The following CSNK1G1 variants were observed in gnomAD, a reference collection of about 807,000 sequenced individuals.
The protein encoded by CSNK1G1 is casein kinase I isoform gamma-1.
CSNK1G1 carries 22 observed loss-of-function variants against 59.6 expected under a neutral mutation model. The ratio of observed to expected loss-of-function variants is 0.37; its 90% CI spans 0.26 to 0.53. The LOEUF (loss-of-function observed/expected upper bound fraction) is 0.53, where lower values mean the gene tolerates loss of function less well. Among genes scored for constraint, CSNK1G1 ranks in the 20% least tolerant of loss-of-function variants. The probability of loss-of-function intolerance (pLI) is 0.89; values close to 1 mark genes in which losing one functional copy is unlikely to be tolerated. For missense variants in CSNK1G1, 384 were observed against 519.5 expected, an observed-to-expected ratio of 0.74 and a Z score of 2.54; for synonymous variants, 179 against 177.1, an observed-to-expected ratio of 1.01 and a Z score of -0.08.
chr15:64,202,998 A>G, intron 10 of CSNK1G1, 84 bp downstream of exon 10: 1 of 972,772 alleles, frequency 1.0e-6, no homozygotes, highest in South Asian at 1.3e-5. Flanking sequence ...TACATACACT[A>G]AAGCGGAGAA....
intron 4 of CSNK1G1, among the ~76,000 whole-genome samples, chr15:64,236,142 C>CA (rs532663571): frequency 0.093 from 6,234 of 67,194 alleles, 260 homozygotes; most frequent in South Asian, 0.18. Flanking sequence ...GACTCCATCT[C>CA]AAAAAAAAAA....
chr15:64,202,963 G>A, intron 10 of CSNK1G1, 119 bp downstream of exon 10: 2 of 762,700 alleles, frequency 2.6e-6, no homozygotes, highest in Non-Finnish European at 2.3e-6. Context: ...GTAAGAAATG[G>A]CAAGCATTTG....
intron 1 of CSNK1G1, among the ~76,000 whole-genome samples, chr15:64,314,054 A>G (rs1896139644): frequency 1.3e-5 from 2 of 152,302 alleles, no homozygotes; most frequent in East Asian, 1.9e-4. Context: ...ACGATGCTAC[A>G]TATCAAAGAT....
intron 1 of CSNK1G1, among the ~76,000 whole-genome samples, chr15:64,327,092 G>C (rs1566949108): frequency 6.6e-6 from 1 of 151,918 alleles, no homozygotes; most frequent in Non-Finnish European, 1.5e-5. Context: ...CAGCGAGGCT[G>C]GGGGAGGGGC....
chr15:64,248,974 C>A (rs1302612231), intron 4 of CSNK1G1, among the ~76,000 whole-genome samples: 7 of 152,096 alleles, frequency 4.6e-5, no homozygotes, highest in African/African-American at 1.7e-4. Context: ...CAAAAAAAAA[C>A]TAGCTGGGCA....
intron 1 of CSNK1G1, among the ~76,000 whole-genome samples, chr15:64,323,924 C>T (rs1394815296): frequency 6.6e-6 from 1 of 152,142 alleles, no homozygotes; most frequent in Non-Finnish European, 1.5e-5. Context: ...ACCATCTAAA[C>T]CTTATTGGGC....
intron 6 of CSNK1G1, among the ~76,000 whole-genome samples, chr15:64,208,512 T>C (rs1449006655): frequency 6.6e-6 from 1 of 152,208 alleles, no homozygotes; most frequent in Non-Finnish European, 1.5e-5. Context: ...ATTGTTAGAA[T>C]CTAAGTAGTA....
Position 64,171,535 on chromosome 15 carries a change from A to AG in CSNK1G1, c.*395dup, listed in dbSNP as rs1186661294. ...ATCTCCTTCTGCAGACAAAGCCTTT[A>AG]GCTCACTAGGTTTTATGCTGGAGAG... On this transcript the variant is annotated 3_prime_UTR_variant, in exon 12 of 12. Coordinates refer to ENST00000303052, the MANE Select transcript of CSNK1G1 (RefSeq NM_022048.5). The surrounding 1 kb of genome is among the most constrained non-coding windows in gnomAD (Gnocchi z 4.8). The AG allele has an allele frequency of 5.3e-6, 1 of 189,642 alleles. No individual in the cohort carries two copies. The highest frequency in any genetic ancestry group is 2.4e-5 in the African/African-American group (1 of 42,494). The allele number at this position is 189,642 out of a possible 1,614,324, so 11.7% of individuals were successfully genotyped here. A position where few individuals can be genotyped will look rare whatever the true frequency, so the allele number is the denominator to read the frequency against.
chr15:64,273,472 G>A (rs1366568943), intron 2 of CSNK1G1, among the ~76,000 whole-genome samples: 1 of 152,122 alleles, frequency 6.6e-6, no homozygotes, highest in African/African-American at 2.4e-5. Flanking sequence ...CAAGGTGCTA[G>A]ATAAGTCTAA....
intron 10 of CSNK1G1, among the ~76,000 whole-genome samples, chr15:64,187,966 G>A (rs1180261567): frequency 6.6e-6 from 1 of 152,158 alleles, no homozygotes; most frequent in Non-Finnish European, 1.5e-5. Context: ...CTCAGCTTAT[G>A]CGTTAAGGCA....
intron 1 of CSNK1G1, among the ~76,000 whole-genome samples, chr15:64,354,949 A>T (rs1898559776): frequency 6.6e-6 from 1 of 152,220 alleles, no homozygotes; most frequent in Non-Finnish European, 1.5e-5. Context: ...ACAGCAGAAC[A>T]TTCATTCTCT....
At position 64,176,207 on chromosome 15, in the gene CSNK1G1, G is replaced by T; in HGVS notation, c.1214+4141C>A. On this transcript the variant is annotated intron_variant, in intron 11 of 11. Coordinates refer to ENST00000303052, the MANE Select transcript of CSNK1G1 (RefSeq NM_022048.5). The surrounding 1 kb of genome is among the most constrained non-coding windows in gnomAD (Gnocchi z 5.2). ...TAAGGCATTTTGTTTGGCTTTGCCA[G>T]TCCCAGCCTAGTCTGGTCCACTCCC... 1 of 398,800 alleles carries T rather than the reference G, an allele frequency of 2.5e-6. No individual in the cohort carries two copies. The highest frequency in any genetic ancestry group is 4.4e-6 in the Non-Finnish European group (1 of 226,110). 24.7% of individuals were successfully genotyped at this position (398,800 alleles called of 1,614,324 possible).
chr15:64,318,082 A>T (rs954807670), intron 1 of CSNK1G1, among the ~76,000 whole-genome samples: 2 of 152,144 alleles, frequency 1.3e-5, no homozygotes, highest in Non-Finnish European at 2.9e-5. Context: ...TCCAGGTAGA[A>T]GTAAGCCAAC....
chr15:64,218,941 G>A (rs2082349112), intron 4 of CSNK1G1, among the ~76,000 whole-genome samples: 1 of 138,944 alleles, frequency 7.2e-6, no homozygotes, highest in South Asian at 2.5e-4. Flanking sequence ...TGCAACCTCC[G>A]CCTCCCGAGT....
intron 11 of CSNK1G1, among the ~76,000 whole-genome samples, chr15:64,174,882 G>A (rs2081723396): frequency 6.6e-6 from 1 of 151,848 alleles, no homozygotes; most frequent in Admixed American, 6.6e-5. Flanking sequence ...TGACCTCTTG[G>A]CCCCTCAGCC....
intron 2 of CSNK1G1, among the ~76,000 whole-genome samples, chr15:64,299,314 C>G (rs1373195048): frequency 6.6e-6 from 1 of 152,056 alleles, no homozygotes; most frequent in Non-Finnish European, 1.5e-5. Flanking sequence ...AATGGCCGGG[C>G]GCGGTGGCTC....
At position 64,275,629 on chromosome 15, in the gene CSNK1G1, T is replaced by C. The variant is rs183628987; in HGVS notation, c.182-16388A>G. 1.9e-3 allele frequency among the ~76,000 whole-genome samples: 295 copies of C among 152,280 alleles called. 2 individuals are homozygous for C. Among genetic ancestry groups the C allele is most frequent in the Non-Finnish European group, 6.8e-4 (46 of 68,022 alleles). On this transcript the variant is annotated intron_variant, in intron 2 of 11. Coordinates refer to ENST00000303052, the MANE Select transcript of CSNK1G1 (RefSeq NM_022048.5). ...TGGGATGGTATATACAGCATGTTTA[T>C]TATTAACAAGACAGACAATGCTCAA...
At position 64,239,345 on chromosome 15, in the gene CSNK1G1, TTTGTTG is replaced by T. The variant is rs146616275; in HGVS notation, c.292+12161_292+12166del. On this transcript the variant is annotated intron_variant, in intron 4 of 11. Coordinates refer to ENST00000303052, the MANE Select transcript of CSNK1G1 (RefSeq NM_022048.5). ...GAAAAGGAACTCCAAATAATGATCT[TTTGTTG>T]TTGTTGTTGTATGTTTTTTTTCTTT... is the stretch of plus-strand genomic sequence containing the variant. Among the ~76,000 whole-genome samples the T allele has an allele frequency of 1.2e-3, 180 of 152,188 alleles. 1 individual carries two copies. The highest frequency in any genetic ancestry group is 4.2e-3 in the African/African-American group (175 of 41,536).
At chr15:64,261,145 A>C (rs1053443856) in intron 2 of CSNK1G1, among the ~76,000 whole-genome samples, 10 of 152,212 alleles carry the variant, frequency 6.6e-5, no homozygotes, top group Admixed American at 2.0e-4. Context: ...GATAGTAATA[A>C]GTAAGAGAGG....
Sources: allele counts gnomAD v4.1 joint callset (sites outside exome capture counted in the v4.1 genomes callset), GRCh38; gene constraint gnomAD v4.1.1; non-coding constraint Gnocchi (gnomAD v3.1); transcripts MANE v1.5; gene names NCBI Gene and HGNC (gene_info 2026-07-23, HGNC 2026-07-21).